Variants in MCF2 observed in about 807,000 individuals in gnomAD.
MCF2 encodes the protein MCF.2 cell line derived transforming sequence.
Under a neutral mutation model 82.5 loss-of-function variants are expected in MCF2, and 44 were observed. The observed-to-expected ratio is 0.53, with a 90% CI of 0.42 to 0.69. MCF2 has a LOEUF of 0.69. MCF2 is among the 30% of genes least tolerant of loss of function. The probability of loss-of-function intolerance (pLI) is 0.00; values close to 1 mark genes in which losing one functional copy is unlikely to be tolerated. For missense variants in MCF2, 623 were observed against 663.1 expected (o/e 0.94, Z 0.66); for synonymous variants, 217 against 224.9 (o/e 0.96, Z 0.32).
chrX:139,642,829 T>C (rs1436286044), exon 1 of MCF2: 1 of 951,825 alleles, frequency 1.1e-6, no homozygotes, highest in Non-Finnish European at 1.3e-6. Context: ...CTCAAGAAGA[T>C]CAGGCATGTC....
intron 1 of MCF2, among the ~76,000 whole-genome samples, chrX:139,694,479 A>G (rs1935341726): frequency 1.8e-5 from 2 of 110,668 alleles, no homozygotes; most frequent in African/African-American, 6.6e-5. Context: ...TAATCAAATC[A>G]GTGTGATACT....
At chrX:139,615,694 T>C (rs1311151395) in intron 9 of MCF2, among the ~76,000 whole-genome samples, 5 of 112,003 alleles carry the variant, frequency 4.5e-5, no homozygotes, top group Non-Finnish European at 7.5e-5. Context: ...CTACACATTT[T>C]AGCAGCAAAT....
At chrX:139,596,918 G>A in intron 18 of MCF2, 148 bp from the exon 23 acceptor site, 2 of 457,046 alleles carry the variant, frequency 4.4e-6, no homozygotes, top group Non-Finnish European at 7.5e-6. Context: ...GTTAAAACAT[G>A]GCATGCACCA....
Position 139,692,791 on chromosome X carries a change from C to A in MCF2, c.-45+15315G>T, listed in dbSNP as rs142540655. ...GTCTTTGCCCGAAGAGAATACTAGCCCTGAATAGTCTGAGAGGTCCTGTGC... is the reference window on the plus strand; with the variant it reads ...GTCTTTGCCCGAAGAGAATACTAGCACTGAATAGTCTGAGAGGTCCTGTGC... On this transcript the variant is annotated intron_variant, in intron 1 of 27. Coordinates refer to the MCF2 transcript ENST00000414978. Among the ~76,000 whole-genome samples, 831 of 112,147 alleles carry A rather than the reference C, an allele frequency of 7.4e-3. 7 individuals are homozygous for A. The highest frequency in any genetic ancestry group is 0.025 in the African/African-American group (785 of 30,868).
chrX:139,597,126 T>C (rs1930167072), intron 18 of MCF2, among the ~76,000 whole-genome samples: 1 of 111,141 alleles, frequency 9.0e-6, no homozygotes, highest in South Asian at 3.8e-4. Context: ...GTGCTAAAGA[T>C]TTGATTCTTT....
upstream of MCF2, among the ~76,000 whole-genome samples, chrX:139,644,356 T>C (rs752518524): frequency 6.2e-5 from 7 of 112,337 alleles, no homozygotes; most frequent in Non-Finnish European, 1.1e-4. Context: ...TAGTGATACC[T>C]ACTTGCAGTA....
At chrX:139,701,360 G>C (rs1393851322) in intron 1 of MCF2, among the ~76,000 whole-genome samples, 1 of 111,749 alleles carries the variant, frequency 8.9e-6, no homozygotes, top group Non-Finnish European at 1.9e-5. Context: ...CACTAATCTG[G>C]GTGTCGCTGT....
At chrX:139,619,297 G>C (rs1932154846) in intron 7 of MCF2, among the ~76,000 whole-genome samples, 1 of 109,827 alleles carries the variant, frequency 9.1e-6, no homozygotes, top group African/African-American at 3.3e-5. Flanking sequence ...ACAGAATATA[G>C]ACCAATATAA....
intron 2 of MCF2, among the ~76,000 whole-genome samples, chrX:139,649,376 A>G (rs1321425596): frequency 2.7e-5 from 3 of 111,879 alleles, no homozygotes. Context: ...TGAATCTTTA[A>G]GCAAAGGGCC....
At position 139,635,896 on chromosome X, in the gene MCF2, C is replaced by A. The variant is rs552082247; in HGVS notation, c.52-3442G>T. Among the ~76,000 whole-genome samples, 230 of 108,210 alleles carry A rather than the reference C, an allele frequency of 2.1e-3. 1 individual carries two copies. The highest frequency in any genetic ancestry group is 7.7e-3 in the African/African-American group (221 of 28,625). The allele number at this position is 108,210 out of a possible 115,157, so 94.0% of individuals were successfully genotyped here. A position where few individuals can be genotyped will look rare whatever the true frequency, so the allele number is the denominator to read the frequency against. ...CTCCCACCCTCCACCCTCAAGTAGA[C>A]CCGTGTCTGTTGTTTCCTTCTTTGT... On this transcript the variant is annotated intron_variant, in intron 1 of 24. Transcript: ENST00000370576.
chrX:139,659,701 A>C (rs886482675), intron 1 of MCF2, among the ~76,000 whole-genome samples: 1 of 111,828 alleles, frequency 8.9e-6, no homozygotes. Context: ...AAATGCCTCT[A>C]CTCTCACATG....
At chrX:139,628,310 C>T (rs769449444) in intron 4 of MCF2, among the ~76,000 whole-genome samples, 2 of 111,848 alleles carry the variant, frequency 1.8e-5, no homozygotes, top group Non-Finnish European at 3.8e-5. Flanking sequence ...AGAACGAGAT[C>T]ATGTCCTCTG....
At chrX:139,638,507 A>T (rs1356403057) in intron 1 of MCF2, among the ~76,000 whole-genome samples, 1 of 111,629 alleles carries the variant, frequency 9.0e-6, no homozygotes, top group African/African-American at 3.3e-5. Flanking sequence ...ACTGGAGAAC[A>T]TTCAAAGCAG....
chrX:139,635,334 T>C (rs1933139552), intron 1 of MCF2, among the ~76,000 whole-genome samples: 1 of 111,070 alleles, frequency 9.0e-6, no homozygotes. Flanking sequence ...ATGTACGTAA[T>C]GTATATTTTA....
chrX:139,598,872 G>T (rs2148419643), intron 16 of MCF2, among the ~76,000 whole-genome samples: 1 of 111,380 alleles, frequency 9.0e-6, no homozygotes, highest in African/African-American at 3.3e-5. Context: ...TACAAGCCAA[G>T]GCTCAGAAAA....
At chrX:139,670,549 C>G (rs1934655083) in intron 1 of MCF2, among the ~76,000 whole-genome samples, 1 of 110,352 alleles carries the variant, frequency 9.1e-6, no homozygotes, top group Non-Finnish European at 1.9e-5. Flanking sequence ...ACCTATGGGT[C>G]AGAACAGGCG....
intron 1 of MCF2, among the ~76,000 whole-genome samples, chrX:139,661,685 G>A (rs1290829303): frequency 9.0e-6 from 1 of 111,398 alleles, no homozygotes; most frequent in Admixed American, 9.6e-5. Flanking sequence ...AGGTATCTTA[G>A]ATCTGAATGC....
At chrX:139,594,356 T>A (rs1339577638) in intron 19 of MCF2, among the ~76,000 whole-genome samples, 5 of 111,625 alleles carry the variant, frequency 4.5e-5, no homozygotes, top group Middle Eastern at 4.6e-3. Context: ...CAAAACAGCA[T>A]GGTACTGGTG....
chrX:139,584,238 C>T lies in MCF2; in HGVS notation c.2745+828G>A, dbSNP rs12390083. On this transcript the variant is annotated intron_variant, in intron 24 of 24. Coordinates refer to ENST00000370576, the Ensembl canonical transcript of MCF2. Reference sequence around the variant, plus strand: ...GCAACCTGCACCTCCTGGGTTCAAGCGATTCTCCTGCCTCAGCCTCCTGAA... The same window carrying T: ...GCAACCTGCACCTCCTGGGTTCAAGTGATTCTCCTGCCTCAGCCTCCTGAA... Among the ~76,000 whole-genome samples, 51 of 106,406 alleles carry T rather than the reference C, an allele frequency of 4.8e-4. 1 individual carries two copies. In the South Asian group the frequency reaches 0.015, roughly 30 times the overall value. The allele number at this position is 106,406 out of a possible 115,157, so 92.4% of individuals were successfully genotyped here. A position where few individuals can be genotyped will look rare whatever the true frequency, so the allele number is the denominator to read the frequency against.
Sources: allele counts gnomAD v4.1 joint callset (sites outside exome capture counted in the v4.1 genomes callset), GRCh38; gene constraint gnomAD v4.1.1; transcripts MANE v1.5; gene names NCBI Gene and HGNC (gene_info 2026-07-23, HGNC 2026-07-21).